The following TAX1BP1 variants were observed in gnomAD, a reference collection of about 807,000 sequenced individuals.
TAX1BP1 encodes the protein Tax1 binding protein 1.
TAX1BP1 carries 62 observed loss-of-function variants against 97.7 expected under a neutral mutation model. The ratio of observed to expected loss-of-function variants is 0.63; its 90% CI spans 0.52 to 0.78. The LOEUF (loss-of-function observed/expected upper bound fraction) is 0.78. Among genes scored for constraint, TAX1BP1 ranks in the 30% least tolerant of loss-of-function variants. The probability of loss-of-function intolerance (pLI) is 0.00; values close to 1 mark genes in which losing one functional copy is unlikely to be tolerated. For missense variants in TAX1BP1, 867 were observed against 916.1 expected (o/e 0.95, Z 0.69); for synonymous variants, 340 against 304.2 (o/e 1.12, Z -1.23).
intron 15 of TAX1BP1, among the ~76,000 whole-genome samples, chr7:27,826,269 C>T (rs535828075): frequency 1.3e-5 from 2 of 152,278 alleles, no homozygotes; most frequent in South Asian, 2.1e-4. Context: ...TTATCTGTCC[C>T]GTTTTCCTTT....
chr7:27,756,878 A>G (rs1477114221), intron 2 of TAX1BP1, among the ~76,000 whole-genome samples: 1 of 152,178 alleles, frequency 6.6e-6, no homozygotes, highest in East Asian at 1.9e-4. Context: ...GACACAGAAC[A>G]AAGTAAATTG....
chr7:27,740,523 G>C (rs1327023349), intron 1 of TAX1BP1: 1 of 152,392 alleles, frequency 6.6e-6, no homozygotes, highest in Non-Finnish European at 1.5e-5. Flanking sequence ...CGCCCCACGC[G>C]GTGGGAGGCC....
chr7:27,823,427 A>G (rs1293062973), intron 15 of TAX1BP1, among the ~76,000 whole-genome samples: 3 of 152,206 alleles, frequency 2.0e-5, no homozygotes, highest in East Asian at 3.8e-4. Context: ...TTTCTTCCTC[A>G]ATATTAATTA....
At chr7:27,825,369 G>A (rs868102722) in intron 15 of TAX1BP1, among the ~76,000 whole-genome samples, 6 of 151,950 alleles carry the variant, frequency 3.9e-5, no homozygotes, top group South Asian at 4.1e-4. Context: ...GTATTCTCGA[G>A]TGAAGATTTC....
Position 27,816,434 on chromosome 7 carries a change from C to G in TAX1BP1, c.1850C>G (p.Ser617Ter). ...AGTCCTCAATGTTTCAAAACATGCTCAGAGCAAAATGGTTATGTTCTCACA... is the reference window on the plus strand; with the variant it reads ...AGTCCTCAATGTTTCAAAACATGCTGAGAGCAAAATGGTTATGTTCTCACA... The part of the protein sequence containing the change: ...SQSPQCFKTC[S>*]EQNGYVLTLS... Residue 617 changes from serine to a stop codon, truncating the protein, a stop_gained, in exon 14 of 17, where the codon TCA becomes TGA. Coordinates refer to ENST00000396319, the MANE Select transcript of TAX1BP1 (RefSeq NM_006024.7). LOFTEE classifies it high-confidence loss of function. The G allele has an allele frequency of 1.3e-6, 2 of 1,574,672 alleles. No individual in the cohort carries two copies. Among genetic ancestry groups the G allele is most frequent in the Non-Finnish European group, 1.7e-6 (2 of 1,168,456 alleles).
chr7:27,802,423 A>G (rs1326735343), intron 13 of TAX1BP1, among the ~76,000 whole-genome samples: 1 of 152,212 alleles, frequency 6.6e-6, no homozygotes, highest in Non-Finnish European at 1.5e-5. Context: ...TGTGAAAGAC[A>G]TCTTTAGGGA....
At chr7:27,787,138 C>T (rs910610626) in intron 7 of TAX1BP1, among the ~76,000 whole-genome samples, 1 of 152,066 alleles carries the variant, frequency 6.6e-6, no homozygotes, top group South Asian at 2.1e-4. Context: ...TTAAAGAGAA[C>T]CTGAAACCAT....
intron 13 of TAX1BP1, among the ~76,000 whole-genome samples, chr7:27,809,109 A>G (rs1418027253): frequency 6.6e-6 from 1 of 152,210 alleles, no homozygotes; most frequent in East Asian, 1.9e-4. Context: ...GTTAAATAAG[A>G]TTTAATAGCA....
chr7:27,820,336 G>C (rs538323145), intron 15 of TAX1BP1, among the ~76,000 whole-genome samples: 2 of 152,094 alleles, frequency 1.3e-5, no homozygotes, highest in Non-Finnish European at 2.9e-5. Context: ...TTTGTTGATA[G>C]ACAATTTTTT....
rs551242273 is a variant in TAX1BP1, at chr7:27,763,644, T to A, written c.266-2190T>A. Among the ~76,000 whole-genome samples, 479 of 152,284 alleles carry A rather than the reference T, an allele frequency of 3.1e-3. 2 individuals are homozygous for A. The highest frequency in any genetic ancestry group is 0.011 in the African/African-American group (455 of 41,570). On this transcript the variant is annotated intron_variant, in intron 3 of 16. Coordinates refer to ENST00000396319, the MANE Select transcript of TAX1BP1 (RefSeq NM_006024.7). ...TTCGCTGGGCGTGATGGCGTGTGCC[T>A]GTAATTCCAGCTACTCGGGAGGCTG...
rs557428529 is a variant in TAX1BP1 at position 27,787,278 on chromosome 7, C to T, written c.853-140C>T. The stretch of plus-strand genomic sequence containing the variant: ...TGCTTAACTAGTCATTTGGCAGAAC[C>T]TGGGTCTCCTAAATCCTAGTCTAGT... On this transcript the variant is annotated intron_variant, in intron 7 of 16. Coordinates refer to ENST00000396319, the MANE Select transcript of TAX1BP1 (RefSeq NM_006024.7). The T allele has an allele frequency of 1.1e-5, 7 of 644,622 alleles. No individual in the cohort carries two copies. The South Asian group carries it at 2.5e-4, about 23-fold the overall frequency. 39.9% of individuals were successfully genotyped at this position (644,622 alleles called of 1,614,324 possible). A position where few individuals can be genotyped will look rare whatever the true frequency, so the allele number is the denominator to read the frequency against.
At chr7:27,741,628 G>A (rs1185720580) in intron 1 of TAX1BP1, among the ~76,000 whole-genome samples, 1 of 151,966 alleles carries the variant, frequency 6.6e-6, no homozygotes, top group African/African-American at 2.4e-5. Context: ...AGCCTCCTGA[G>A]TACCTGGGAT....
chr7:27,792,342 T>C, intron 9 of TAX1BP1, 112 bp downstream of exon 9: 1 of 1,020,406 alleles, frequency 9.8e-7, no homozygotes, highest in Non-Finnish European at 1.4e-6. Context: ...TTATTTTAAA[T>C]TTAAAATTTT....
intron 13 of TAX1BP1, among the ~76,000 whole-genome samples, chr7:27,811,301 A>G (rs978708409): frequency 6.6e-6 from 1 of 152,312 alleles, no homozygotes; most frequent in Non-Finnish European, 1.5e-5. Flanking sequence ...GTGGACGTGT[A>G]TGTTATGTAT....
In TAX1BP1 at chr7:27,787,719, C is replaced by A. The variant is rs994380365; in HGVS notation, c.1038+116C>A. On this transcript the variant is annotated intron_variant, in intron 8 of 16. Transcript: ENST00000396319. ...TTTGTTCTAAAAAAGTTCAAACTTACAAAACAGTTGGAAGAACAGAACAAT... is the reference window on the plus strand; with the variant it reads ...TTTGTTCTAAAAAAGTTCAAACTTAAAAAACAGTTGGAAGAACAGAACAAT... 53 of 962,462 alleles carry A rather than the reference C, an allele frequency of 5.5e-5. 1 individual carries two copies. The highest frequency in any genetic ancestry group is 7.4e-5 in the Non-Finnish European group (50 of 676,022). The allele number at this position is 962,462 out of a possible 1,614,324, so 59.6% of individuals were successfully genotyped here.
chr7:27,829,129 A>G lies in TAX1BP1; in HGVS notation c.*300A>G, dbSNP rs746226350. ...AATAAAGGATACAAGGATTATTTCA[A>G]TGTTACTGCACTGAAAAACGTGTAT... On this transcript the variant is annotated 3_prime_UTR_variant, in exon 17 of 17. Coordinates refer to ENST00000396319, the MANE Select transcript of TAX1BP1 (RefSeq NM_006024.7). The G allele has an allele frequency of 2.2e-4, 55 of 252,712 alleles. No individual in the cohort carries two copies. Among genetic ancestry groups the G allele is most frequent in the Non-Finnish European group, 3.1e-4 (42 of 133,742 alleles). The allele number at this position is 252,712 out of a possible 1,614,324, so 15.7% of individuals were successfully genotyped here.
At chr7:27,821,192 A>T (rs1181571452) in intron 15 of TAX1BP1, among the ~76,000 whole-genome samples, 1 of 152,122 alleles carries the variant, frequency 6.6e-6, no homozygotes, top group East Asian at 1.9e-4. Flanking sequence ...GCATCTCTTA[A>T]TTCTGAATAT....
At chr7:27,774,836 C>A (rs534116306) in intron 5 of TAX1BP1, among the ~76,000 whole-genome samples, 1 of 152,052 alleles carries the variant, frequency 6.6e-6, no homozygotes, top group African/African-American at 2.4e-5. Flanking sequence ...GATGAAAATA[C>A]CAGTTTTTAA....
intron 1 of TAX1BP1, 120 bp from the exon 2 acceptor site, chr7:27,748,398 A>C: frequency 1.6e-6 from 1 of 632,508 alleles, no homozygotes; most frequent in East Asian, 3.3e-5. Context: ...CAAAGTATAT[A>C]TTTTCTTAAT....
Sources: gnomAD v4.1 joint callset for allele counts (sites outside exome capture counted in the v4.1 genomes callset) on GRCh38, gnomAD v4.1.1 for gene constraint, MANE v1.5 for transcripts, NCBI Gene and HGNC (gene_info 2026-07-23, HGNC 2026-07-21) for gene names.